Variants in CFAP299 observed in about 807,000 individuals in gnomAD.
The protein encoded by CFAP299 is cilia and flagella associated protein 299, also known as cilia- and flagella-associated protein 299.
A neutral mutation model predicts 27.0 loss-of-function variants in CFAP299; 21 were observed. That is an observed-to-expected ratio of 0.78 (90% CI 0.55 to 1.12). The LOEUF (loss-of-function observed/expected upper bound fraction) is 1.12, where lower values mean the gene tolerates loss of function less well. Ranked by LOEUF, CFAP299 falls within the 50% of genes most tolerant of loss-of-function variation. CFAP299 has a pLI of 0.00. For missense variants in CFAP299, 310 were observed against 276.6 expected, an observed-to-expected ratio of 1.12 and a Z score of -0.86; for synonymous variants, 104 against 98.1, an observed-to-expected ratio of 1.06 and a Z score of -0.36.
intron 2 of CFAP299, among the ~76,000 whole-genome samples, chr4:80,499,098 G>A (rs1731606314): frequency 6.6e-6 from 1 of 152,056 alleles, no homozygotes; most frequent in Non-Finnish European, 1.5e-5. Context: ...CTACTTGAGG[G>A]TGGGAAGAGG....
chr4:80,488,688 G>A (rs1471964296), intron 2 of CFAP299, among the ~76,000 whole-genome samples: 2 of 152,144 alleles, frequency 1.3e-5, no homozygotes, highest in Non-Finnish European at 2.9e-5. Flanking sequence ...GTGTTAGCCA[G>A]GATGGTCTCG....
chr4:80,585,429 T>C (rs1486634810), intron 3 of CFAP299, among the ~76,000 whole-genome samples: 2 of 152,220 alleles, frequency 1.3e-5, no homozygotes, highest in African/African-American at 4.8e-5. Context: ...GCTCAACATT[T>C]GCTCTATTAC....
intron 3 of CFAP299, among the ~76,000 whole-genome samples, chr4:80,740,086 T>C (rs1167904959): frequency 2.6e-5 from 4 of 152,216 alleles, no homozygotes; most frequent in Non-Finnish European, 4.4e-5. Context: ...TCTTTAAGCT[T>C]CCTCAAGACA....
intron 3 of CFAP299, among the ~76,000 whole-genome samples, chr4:80,809,130 T>G (rs1729012108): frequency 6.6e-6 from 1 of 152,136 alleles, no homozygotes; most frequent in Non-Finnish European, 1.5e-5. Flanking sequence ...TATTTATAGC[T>G]GGGGCTATCT....
intron 2 of CFAP299, among the ~76,000 whole-genome samples, chr4:80,403,637 G>A (rs1726272366): frequency 6.6e-6 from 1 of 151,970 alleles, no homozygotes; most frequent in African/African-American, 2.4e-5. Flanking sequence ...TCTCCCAACT[G>A]TTCATCTAAA....
chr4:80,470,889 A>C (rs1393274428), intron 2 of CFAP299, among the ~76,000 whole-genome samples: 1 of 152,202 alleles, frequency 6.6e-6, no homozygotes, highest in Non-Finnish European at 1.5e-5. Flanking sequence ...TCAATTACAC[A>C]ATCAAGCAGT....
At chr4:80,336,598 G>A (rs1442588907) in intron 1 of CFAP299, 3 of 152,242 alleles carry the variant, frequency 2.0e-5, no homozygotes, top group African/African-American at 7.2e-5. Flanking sequence ...GGACAGAGTG[G>A]AGTTCTTGTC....
chr4:80,643,928 G>A (rs1470013688), intron 3 of CFAP299, among the ~76,000 whole-genome samples: 1 of 152,078 alleles, frequency 6.6e-6, no homozygotes, highest in Non-Finnish European at 1.5e-5. Context: ...GGCAGTACAG[G>A]ATGCTTTAGT....
chr4:80,596,409 A>G (rs568618501), intron 3 of CFAP299, among the ~76,000 whole-genome samples: 1 of 152,218 alleles, frequency 6.6e-6, no homozygotes, highest in African/African-American at 2.4e-5. Context: ...CTTTTGGAGC[A>G]ATATAGAATA....
chr4:80,902,316 T>C (rs1734940846), intron 4 of CFAP299, among the ~76,000 whole-genome samples: 1 of 148,354 alleles, frequency 6.7e-6, no homozygotes, highest in Non-Finnish European at 1.5e-5. Flanking sequence ...TTTATCCATA[T>C]ATATATGGAT....
At chr4:80,579,636 T>G (rs1353312247) in intron 2 of CFAP299, among the ~76,000 whole-genome samples, 2 of 152,134 alleles carry the variant, frequency 1.3e-5, no homozygotes, top group Non-Finnish European at 2.9e-5. Context: ...ATTTTGTATC[T>G]GATAGATCAG....
chr4:80,897,034 G>A (rs956291698), intron 4 of CFAP299, among the ~76,000 whole-genome samples: 5 of 152,040 alleles, frequency 3.3e-5, no homozygotes, highest in South Asian at 2.1e-4. Flanking sequence ...TGAAGGGCAC[G>A]GCATTACAAA....
At chr4:80,916,480 T>C (rs1450217564) in intron 4 of CFAP299, among the ~76,000 whole-genome samples, 3 of 151,722 alleles carry the variant, frequency 2.0e-5, no homozygotes, top group Non-Finnish European at 4.4e-5. Flanking sequence ...ACGCTTGTTT[T>C]AAAGCTATGT....
At chr4:80,800,394 A>C (rs1373505691) in intron 3 of CFAP299, among the ~76,000 whole-genome samples, 1 of 54,760 alleles carries the variant, frequency 1.8e-5, no homozygotes, top group East Asian at 5.0e-4. Context: ...TAATATATTA[A>C]TATAATATAT....
intron 3 of CFAP299, among the ~76,000 whole-genome samples, chr4:80,763,401 C>T (rs185201851): frequency 2.6e-5 from 4 of 151,896 alleles, no homozygotes; most frequent in African/African-American, 4.8e-5. Context: ...TTAAAAGGGA[C>T]GTGAAGGACC....
At chr4:80,542,761 G>A (rs1309101695) in intron 2 of CFAP299, among the ~76,000 whole-genome samples, 8 of 151,658 alleles carry the variant, frequency 5.3e-5, no homozygotes, top group Admixed American at 5.2e-4. Context: ...TTTGCCAGAG[G>A]CCACTACCAT....
chr4:80,530,689 G>C (rs1034985706), intron 2 of CFAP299, among the ~76,000 whole-genome samples: 4 of 152,206 alleles, frequency 2.6e-5, no homozygotes, highest in African/African-American at 9.6e-5. Flanking sequence ...ATGGAGAAGA[G>C]GGGGTATGCT....
At chr4:80,711,363 G>C (rs749567685) in intron 3 of CFAP299, among the ~76,000 whole-genome samples, 15 of 152,186 alleles carry the variant, frequency 9.9e-5, no homozygotes, top group Non-Finnish European at 1.9e-4. Context: ...GGTGGACAGT[G>C]TGAGAGAGCT....
chr4:80,882,437 G>A (rs1287946259), intron 4 of CFAP299, among the ~76,000 whole-genome samples: 1 of 152,130 alleles, frequency 6.6e-6, no homozygotes, highest in East Asian at 1.9e-4. Context: ...AGGAGATCGA[G>A]ACCATCCTGG....
Sources: gnomAD v4.1 joint callset for allele counts (sites outside exome capture counted in the v4.1 genomes callset) on GRCh38, gnomAD v4.1.1 for gene constraint, MANE v1.5 for transcripts, NCBI Gene and HGNC (gene_info 2026-07-23, HGNC 2026-07-21) for gene names.